The following TSPEAR variants were observed in gnomAD, a reference collection of about 807,000 sequenced individuals.
TSPEAR encodes the protein thrombospondin-type laminin G domain and EAR repeat-containing protein.
A neutral mutation model predicts 71.6 loss-of-function variants in TSPEAR; 69 were observed. That is an observed-to-expected ratio of 0.96 (90% CI 0.79 to 1.18). TSPEAR has a LOEUF of 1.18. Ranked by LOEUF, TSPEAR falls within the 50% of genes most tolerant of loss-of-function variation. The pLI is 0.00. For missense variants in TSPEAR, 971 were observed against 894.9 expected, an observed-to-expected ratio of 1.09 and a Z score of -1.09; for synonymous variants, 402 against 387.2, an observed-to-expected ratio of 1.04 and a Z score of -0.45.
At chr21:44,627,828 C>A (rs782471443) in intron 1 of TSPEAR, 2 of 1,613,772 alleles carry the variant, frequency 1.2e-6, no homozygotes, top group Admixed American at 3.3e-5. Context: ...AGCCGGCTTG[C>A]TGCACCACCT....
chr21:44,585,826 G>A (rs1318082529), intron 1 of TSPEAR, among the ~76,000 whole-genome samples: 1 of 152,162 alleles, frequency 6.6e-6, no homozygotes, highest in Non-Finnish European at 1.5e-5. Context: ...TCTCTGTCAT[G>A]CTGTGATTTC....
intron 1 of TSPEAR, chr21:44,666,783 C>G: frequency 6.2e-7 from 1 of 1,612,198 alleles, no homozygotes; most frequent in Non-Finnish European, 8.5e-7. Context: ...CACAGGCACA[C>G]AGCAGGATGC....
At chr21:44,649,268 G>C (rs757124892) in intron 1 of TSPEAR, among the ~76,000 whole-genome samples, 3 of 152,200 alleles carry the variant, frequency 2.0e-5, no homozygotes, top group East Asian at 1.9e-4. Context: ...AGCCCCAGGC[G>C]AGGCTGCTGG....
chr21:44,505,030 A>G (rs2052161386), intron 10 of TSPEAR, 149 bp from the exon 11 acceptor site: 3 of 595,208 alleles, frequency 5.0e-6, no homozygotes, highest in African/African-American at 3.7e-5. Flanking sequence ...GTGTTGGTCT[A>G]TTCCAGGAAA....
intron 1 of TSPEAR, among the ~76,000 whole-genome samples, chr21:44,588,879 T>G (rs1455228331): frequency 1.3e-5 from 2 of 151,854 alleles, no homozygotes; most frequent in African/African-American, 4.8e-5. Flanking sequence ...AGATTATTAT[T>G]CTAAGTGAAG....
chr21:44,538,422 G>GCCC, intron 2 of TSPEAR, among the ~76,000 whole-genome samples: 2 of 113,732 alleles, frequency 1.8e-5, no homozygotes, highest in East Asian at 2.6e-4. Flanking sequence ...GGAAACTGCT[G>GCCC]CCCCCCCCCC....
At chr21:44,539,441 C>T (rs782587140) in intron 2 of TSPEAR, 25 of 1,612,730 alleles carry the variant, frequency 1.6e-5, no homozygotes, top group South Asian at 5.5e-5. Flanking sequence ...GCATACAGGG[C>T]GGCAGAGGAG....
intron 1 of TSPEAR, among the ~76,000 whole-genome samples, chr21:44,700,357 C>T (rs545229651): frequency 6.6e-6 from 1 of 152,086 alleles, no homozygotes; most frequent in Non-Finnish European, 1.5e-5. Flanking sequence ...TTGCTGGGGC[C>T]CCTCCTCTGC....
rs587702626 is a variant in TSPEAR at position 44,616,179 on chromosome 21, G to A, written c.83-48174C>T. 5.3e-5 allele frequency among the ~76,000 whole-genome samples: 8 copies of A among 152,340 alleles called. No homozygotes were observed. The East Asian group carries it at 5.8e-4, about 11-fold the overall frequency. On this transcript the variant is annotated intron_variant, in intron 1 of 11. Transcript: ENST00000323084. ...TCTCAGCCCGAGGCCACATCTGTTC[G>A]ATGCAGGCAAAGGCAGCTGCCCCAG...
At chr21:44,630,646 A>AGGAAGTGAAGG (rs587744520) in intron 1 of TSPEAR, among the ~76,000 whole-genome samples, 1 of 150,600 alleles carries the variant, frequency 6.6e-6, no homozygotes, top group East Asian at 1.9e-4. Flanking sequence ...AGGGGAGGGC[A>AGGAAGTGAAGG]GGAAGTGAAG....
chr21:44,707,302 T>G (rs868912502), intron 1 of TSPEAR, among the ~76,000 whole-genome samples: 464 of 135,772 alleles, frequency 3.4e-3, no homozygotes, highest in Non-Finnish European at 4.1e-3. Context: ...GGACGCGGGG[T>G]GGGGGGGGGT....
intron 2 of TSPEAR, among the ~76,000 whole-genome samples, chr21:44,559,015 A>G (rs170847): frequency 0.21 from 32,137 of 152,058 alleles, 3,699 homozygotes; most frequent in Non-Finnish European, 0.25. Flanking sequence ...ACTAGTAGAA[A>G]TATATTGATT....
Position 44,627,360 on chromosome 21 carries a change from G to C in TSPEAR, c.83-59355C>G, listed in dbSNP as rs1982889492. The C allele has an allele frequency of 6.2e-7, 1 of 1,613,540 alleles. No individual in the cohort carries two copies. The highest frequency in any genetic ancestry group is 8.5e-7 in the Non-Finnish European group (1 of 1,179,956). Reference sequence around the variant, plus strand: ...GCCCCTGCTGCCAGGTGACCTGTGAGCCCAGCCCCTGCCAATCAGGCTGCA... The same window carrying C: ...GCCCCTGCTGCCAGGTGACCTGTGACCCCAGCCCCTGCCAATCAGGCTGCA... On this transcript the variant is annotated intron_variant, in intron 1 of 11. Transcript: ENST00000323084.
chr21:44,579,653 C>G, intron 1 of TSPEAR: 1 of 1,398,354 alleles, frequency 7.2e-7, no homozygotes, highest in Middle Eastern at 2.6e-4. Flanking sequence ...GTCACCTCAG[C>G]ACATGGGGGC....
At chr21:44,601,680 A>G (rs782219309) in intron 1 of TSPEAR, 17 of 1,612,146 alleles carry the variant, frequency 1.1e-5, no homozygotes, top group African/African-American at 6.7e-5. Flanking sequence ...GCCGCCCCGC[A>G]TGCTCCCGCC....
intron 2 of TSPEAR, among the ~76,000 whole-genome samples, chr21:44,545,046 G>A (rs782553160): frequency 5.3e-5 from 8 of 151,574 alleles, no homozygotes; most frequent in South Asian, 4.2e-4. Flanking sequence ...GAGGCCAGGC[G>A]CGGTGGCTCA....
At chr21:44,692,543 A>G (rs1987163826) in intron 1 of TSPEAR, among the ~76,000 whole-genome samples, 3 of 152,192 alleles carry the variant, frequency 2.0e-5, no homozygotes, top group Admixed American at 2.0e-4. Flanking sequence ...TACAAAAATC[A>G]TGCATGTTTC....
chr21:44,666,591 G>A lies in TSPEAR; in HGVS notation c.82+44842C>T, dbSNP rs782032697. On this transcript the variant is annotated intron_variant, in intron 1 of 11. Coordinates refer to ENST00000323084, the MANE Select transcript of TSPEAR (RefSeq NM_144991.3). ...AGGCACGCACAGGGAGGACTGGCAG[G>A]AGGGGGCTGCACACACAATGGGCCT... 2.5e-6 allele frequency: 4 copies of A among 1,612,978 alleles called. No homozygotes were observed. In the South Asian group the frequency reaches 3.3e-5, roughly 13 times the overall value.
intron 9 of TSPEAR, among the ~76,000 whole-genome samples, chr21:44,511,633 G>A (rs2145928475): frequency 6.6e-6 from 1 of 152,352 alleles, no homozygotes; most frequent in East Asian, 1.9e-4. Context: ...ACACAGCACA[G>A]CTCTCCCCAC....
Sources: allele counts gnomAD v4.1 joint callset (sites outside exome capture counted in the v4.1 genomes callset), GRCh38; gene constraint gnomAD v4.1.1; transcripts MANE v1.5; gene names NCBI Gene and HGNC (gene_info 2026-07-23, HGNC 2026-07-21).